MYO18A: variants seen among roughly 807,000 people sequenced by gnomAD.
MYO18A encodes unconventional myosin-XVIIIa.
In MYO18A, 78 loss-of-function variants were observed where a neutral mutation model predicts 235.8. That is an observed-to-expected ratio of 0.33 (90% CI 0.28 to 0.40). MYO18A has a LOEUF of 0.40. MYO18A is among the 10% of genes least tolerant of loss of function. MYO18A has a pLI of 1.00. For missense variants in MYO18A, 2,215 were observed against 2,699.3 expected (o/e 0.82, Z 3.98); for synonymous variants, 977 against 1,077.8 (o/e 0.91, Z 1.83).
intron 2 of MYO18A, chr17:29,124,750 C>T (rs1001578665): frequency 1.8e-5 from 22 of 1,217,132 alleles, no homozygotes; most frequent in South Asian, 1.1e-4. Flanking sequence ...ACCACTGGCA[C>T]GCCCCCTTCA....
At chr17:29,145,990 G>A (rs1009297445) in intron 2 of MYO18A, among the ~76,000 whole-genome samples, 2 of 152,228 alleles carry the variant, frequency 1.3e-5, no homozygotes, top group Non-Finnish European at 2.9e-5. Context: ...AGGCGTAGTG[G>A]CTCACGCCAG....
chr17:29,150,659 G>A (rs1378918926), intron 2 of MYO18A, among the ~76,000 whole-genome samples: 1 of 152,246 alleles, frequency 6.6e-6, no homozygotes, highest in Non-Finnish European at 1.5e-5. Flanking sequence ...CTAGCCATGA[G>A]TGGCTATTCA....
intron 1 of MYO18A, among the ~76,000 whole-genome samples, chr17:29,169,610 A>G (rs910894726): frequency 7.9e-5 from 12 of 152,036 alleles, no homozygotes; most frequent in African/African-American, 2.4e-4. Flanking sequence ...GTTACTGCCC[A>G]CCTTATACCT....
chr17:29,128,669 A>G, intron 2 of MYO18A: 1 of 727,450 alleles, frequency 1.4e-6, no homozygotes, highest in South Asian at 1.9e-5. Flanking sequence ...CTACCAAGCA[A>G]CACATGGCTC....
intron 2 of MYO18A, among the ~76,000 whole-genome samples, chr17:29,138,428 G>A (rs1013445697): frequency 6.6e-6 from 1 of 152,146 alleles, no homozygotes; most frequent in African/African-American, 2.4e-5. Context: ...CCATTCAGAG[G>A]CACAGAGGGC....
rs2068622225 is a variant in MYO18A, at chr17:29,180,281, C to T, written c.-82+32G>A. ...CCGCCCCACCAAGCCGGGCCCGCCACCGAGCGGCCGCCGCCGCCGACCGGC... is the reference window on the plus strand; with the variant it reads ...CCGCCCCACCAAGCCGGGCCCGCCATCGAGCGGCCGCCGCCGCCGACCGGC... On this transcript the variant is annotated intron_variant, in intron 1 of 41. Transcript: ENST00000527372. This position sits in a 1 kb window ranked among gnomAD's most constrained non-coding sequence, Gnocchi z 6.1. 2.7e-5 allele frequency: 4 copies of T among 150,462 alleles called. 1 individual carries two copies. In the South Asian group the frequency reaches 5.7e-4, roughly 21 times the overall value. 9.3% of individuals were successfully genotyped at this position (150,462 alleles called of 1,614,324 possible).
At chr17:29,154,893 G>A (rs1220539229) in intron 2 of MYO18A, among the ~76,000 whole-genome samples, 2 of 152,194 alleles carry the variant, frequency 1.3e-5, no homozygotes, top group Non-Finnish European at 2.9e-5. Context: ...GGAGGGGCAG[G>A]GGCATGAGGG....
intron 39 of MYO18A, 47 bp downstream of exon 39, chr17:29,086,391 A>G (rs775630295): frequency 6.4e-7 from 1 of 1,556,030 alleles, no homozygotes; most frequent in Non-Finnish European, 8.7e-7. Flanking sequence ...GAGGTGGTCA[A>G]GAGGGCCTCC....
Position 29,096,837 on chromosome 17 carries a change from C to T in MYO18A, c.4309G>A (p.Ala1437Thr). Residue 1437 changes from alanine (A) to threonine (T), a missense_variant, in exon 28 of 42, where the codon GCT (alanine) becomes ACT (threonine). By Grantham distance (58) the Ala-to-Thr change is moderately conservative. Transcript: ENST00000527372. The stretch of plus-strand genomic sequence containing the variant: ...TGCAGCTTGGTGTCTTGCAGCTCAG[C>T]CGTCAGTCGCTGGCACTTCTTCTTG... ...QLKKKCQRLT[A>T]ELQDTKLHLE... 1.3e-6 allele frequency: 2 copies of T among 1,595,420 alleles called. No homozygotes were observed. The highest frequency in any genetic ancestry group is 2.3e-5 in the East Asian group (1 of 44,080).
In MYO18A at chr17:29,121,492, G is replaced by T; in HGVS notation, c.1371+55C>A. 6.6e-7 allele frequency: 1 copy of T among 1,513,436 alleles called. No homozygotes were observed. Among genetic ancestry groups the T allele is most frequent in the Non-Finnish European group, 8.9e-7 (1 of 1,125,668 alleles). 93.8% of individuals were successfully genotyped at this position (1,513,436 alleles called of 1,614,324 possible). The stretch of plus-strand genomic sequence containing the variant: ...GGGTGCCACAGGGGAAGGGCAGAGA[G>T]CCAGGGCAGGGGGTGGGACCAGGAG... On this transcript the variant is annotated intron_variant, in intron 5 of 41. Transcript: ENST00000527372. The surrounding 1 kb of genome is among the most constrained non-coding windows in gnomAD (Gnocchi z 4.2).
Position 29,120,887 on chromosome 17 carries a change from C to A in MYO18A, c.1585+111G>T. The A allele has an allele frequency of 6.4e-7, 1 of 1,557,882 alleles. No homozygotes were observed. The highest frequency in any genetic ancestry group is 8.7e-7 in the Non-Finnish European group (1 of 1,145,738). On this transcript the variant is annotated intron_variant, in intron 6 of 41. Transcript: ENST00000527372. The surrounding 1 kb of genome is among the most constrained non-coding windows in gnomAD (Gnocchi z 4.2). ...GAACTGCCCGTGGACAGAGGGGTTT[C>A]GGGGGGATGGAAAGGCCAGGGAGAA...
chr17:29,127,988 G>A, intron 2 of MYO18A: 1 of 1,002,596 alleles, frequency 1.0e-6, no homozygotes, highest in Non-Finnish European at 1.2e-6. Flanking sequence ...TTCAGGCTTG[G>A]CTGGGGATCC....
intron 18 of MYO18A, 79 bp from the exon 19 acceptor site, chr17:29,110,180 C>T: frequency 1.3e-6 from 2 of 1,549,836 alleles, no homozygotes; most frequent in African/African-American, 1.3e-5. Context: ...CCAGCGTCTC[C>T]ACTGCTCACA....
intron 2 of MYO18A, among the ~76,000 whole-genome samples, chr17:29,162,601 A>G (rs192333369): frequency 6.6e-6 from 1 of 152,290 alleles, no homozygotes; most frequent in East Asian, 1.9e-4. Context: ...TGAGCTTCTC[A>G]GAGGGTACTG....
At chr17:29,123,202 G>T (rs1024817609) in intron 2 of MYO18A, among the ~76,000 whole-genome samples, 1 of 152,204 alleles carries the variant, frequency 6.6e-6, no homozygotes, top group East Asian at 1.9e-4. Flanking sequence ...AACGGTGTCT[G>T]GGGGAGCTGG....
rs762288881 is a variant in MYO18A, at chr17:29,166,674, G to A, written c.267C>T (p.Ser89=). The change falls in exon 2 of 42, where the codon AGC becomes AGT. Residue 89 remains serine, a synonymous_variant. Transcript: ENST00000527372. ...TDIDSDSNRG[S]VILDSGHLST... ...TTAGGTGGCCCGAGTCCAGGATGAC[G>A]CTGCCCCGGTTACTATCGGAGTCAA... 3 of 1,613,702 alleles carry A rather than the reference G, an allele frequency of 1.9e-6. No homozygotes were observed. In the East Asian group the frequency reaches 6.7e-5, roughly 36 times the overall value.
chr17:29,099,821 C>T, intron 21 of MYO18A, 59 bp from the exon 22 acceptor site: 1 of 1,580,900 alleles, frequency 6.3e-7, no homozygotes, highest in Non-Finnish European at 8.6e-7. Context: ...AGAGGAAAGG[C>T]AGAGAAGGTG....
In MYO18A at chr17:29,090,898, C is replaced by A; in HGVS notation, c.5216G>T (p.Arg1739Leu). Reference protein sequence around the residue: ...ALEEQLSRLQREKNEIQNRLE... With the variant: ...ALEEQLSRLQLEKNEIQNRLE... ...CCGGTTCTGGATCTCATTCTTCTCA[C>A]GCTGAAGGCGGCTCAGCTGCTCCTC... The change falls in exon 35 of 42, where the codon CGT (arginine) becomes CTT (leucine). Residue 1739 changes from arginine (R) to leucine (L), a missense_variant. Transcript: ENST00000527372. The A allele has an allele frequency of 3.7e-6, 6 of 1,614,016 alleles. No individual in the cohort carries two copies. The highest frequency in any genetic ancestry group is 5.1e-6 in the Non-Finnish European group (6 of 1,179,898).
chr17:29,130,385 T>C (rs867962329), intron 2 of MYO18A, among the ~76,000 whole-genome samples: 1 of 150,320 alleles, frequency 6.7e-6, no homozygotes, highest in Non-Finnish European at 1.5e-5. Flanking sequence ...GTACTCACTA[T>C]GGGCCATGGC....
Sources: gnomAD v4.1 joint callset for allele counts (sites outside exome capture counted in the v4.1 genomes callset) on GRCh38, gnomAD v4.1.1 for gene constraint, Gnocchi (gnomAD v3.1) non-coding constraint, MANE v1.5 for transcripts, NCBI Gene and HGNC (gene_info 2026-07-23, HGNC 2026-07-21) for gene names.